The following NREP variants were observed in gnomAD, a reference collection of about 807,000 sequenced individuals.
The protein encoded by NREP is neuronal regeneration-related protein.
In NREP, 5 loss-of-function variants were observed where a neutral mutation model predicts 8.6. The observed-to-expected ratio is 0.58, with a 90% CI of 0.30 to 1.22. NREP has a LOEUF of 1.22. Among genes scored for constraint, NREP ranks in the 50% most tolerant of loss-of-function variants. The probability of loss-of-function intolerance (pLI) is 0.07; values close to 1 mark genes in which losing one functional copy is unlikely to be tolerated. For synonymous variants in NREP, 27 were observed against 28.0 expected, an observed-to-expected ratio of 0.96 and a Z score of 0.11; for missense variants, 86 against 82.5, an observed-to-expected ratio of 1.04 and a Z score of -0.17.
intron 2 of NREP, among the ~76,000 whole-genome samples, chr5:111,778,132 G>A (rs976916660): frequency 2.0e-5 from 3 of 152,228 alleles, no homozygotes; most frequent in African/African-American, 7.2e-5. Flanking sequence ...CATCAGAAGT[G>A]GGAGTGGTCT....
chr5:111,875,242 T>C (rs1296617931), intron 2 of NREP, among the ~76,000 whole-genome samples: 1 of 152,110 alleles, frequency 6.6e-6, no homozygotes, highest in East Asian at 1.9e-4. Context: ...ACTATTCAGT[T>C]TTAAAATAAT....
intron 2 of NREP, among the ~76,000 whole-genome samples, chr5:111,823,561 C>G (rs1752556796): frequency 6.6e-6 from 1 of 151,810 alleles, no homozygotes; most frequent in African/African-American, 2.4e-5. Context: ...TTACATATAC[C>G]ATAATTTCTA....
At chr5:111,744,206 T>C (rs898834202) in intron 2 of NREP, among the ~76,000 whole-genome samples, 1 of 152,174 alleles carries the variant, frequency 6.6e-6, no homozygotes, top group Non-Finnish European at 1.5e-5. Flanking sequence ...CTTCTACTGG[T>C]AGCTGCAAAC....
At chr5:111,890,203 A>G (rs1224090631) in intron 2 of NREP, among the ~76,000 whole-genome samples, 1 of 152,220 alleles carries the variant, frequency 6.6e-6, no homozygotes, top group Admixed American at 6.5e-5. Flanking sequence ...ACAGCAGGGC[A>G]GTCATTAAAT....
At chr5:111,828,162 C>G (rs1003925920) in intron 2 of NREP, among the ~76,000 whole-genome samples, 2 of 152,052 alleles carry the variant, frequency 1.3e-5, no homozygotes, top group Non-Finnish European at 2.9e-5. Flanking sequence ...TCCTGAGTAG[C>G]TGGGATTACA....
chr5:111,818,053 T>C (rs946111562), intron 2 of NREP, among the ~76,000 whole-genome samples: 3 of 152,162 alleles, frequency 2.0e-5, no homozygotes, highest in African/African-American at 4.8e-5. Flanking sequence ...TATTATGGTA[T>C]ACCCAGAATT....
chr5:111,863,956 G>C (rs1389863600), intron 2 of NREP, among the ~76,000 whole-genome samples: 1 of 152,124 alleles, frequency 6.6e-6, no homozygotes, highest in African/African-American at 2.4e-5. Context: ...TGGGCTCAGA[G>C]ACAAGCACAG....
At chr5:111,796,937 A>G (rs1218052911) in intron 2 of NREP, among the ~76,000 whole-genome samples, 2 of 152,186 alleles carry the variant, frequency 1.3e-5, no homozygotes, top group African/African-American at 4.8e-5. Context: ...TCCCTGATGT[A>G]AAATTTGATA....
chr5:111,964,370 T>TG (rs1369564317), intron 2 of NREP, among the ~76,000 whole-genome samples: 3 of 152,054 alleles, frequency 2.0e-5, no homozygotes, highest in Admixed American at 1.3e-4. Context: ...TCCACTGTTT[T>TG]GGGGGGGTTT....
chr5:111,916,349 TA>T (rs1755057225), intron 2 of NREP, among the ~76,000 whole-genome samples: 1 of 151,840 alleles, frequency 6.6e-6, no homozygotes, highest in East Asian at 1.9e-4. Context: ...CCCTCCAAGC[TA>T]CAGCATATAT....
chr5:111,752,306 C>T (rs1750410398), intron 2 of NREP, among the ~76,000 whole-genome samples: 1 of 152,186 alleles, frequency 6.6e-6, no homozygotes, highest in Non-Finnish European at 1.5e-5. Flanking sequence ...ACTGGGCTAA[C>T]CCAAATAGAC....
At chr5:111,914,918 A>G (rs6898801) in intron 2 of NREP, among the ~76,000 whole-genome samples, 80,499 of 151,958 alleles carry the variant, frequency 0.53, 22,704 homozygotes, top group Non-Finnish European at 0.64. Context: ...CATTTTTATC[A>G]AAATCTTGCT....
intron 2 of NREP, among the ~76,000 whole-genome samples, chr5:111,972,409 G>T (rs1269002281): frequency 6.6e-6 from 1 of 152,150 alleles, no homozygotes; most frequent in Non-Finnish European, 1.5e-5. Context: ...TTTCAGGATT[G>T]CAGTGGTTTT....
chr5:111,774,614 T>C (rs537628662), intron 2 of NREP, among the ~76,000 whole-genome samples: 2 of 152,258 alleles, frequency 1.3e-5, no homozygotes, highest in African/African-American at 4.8e-5. Flanking sequence ...AGGGGCAATA[T>C]AACTGGCAGT....
At chr5:111,942,718 T>C (rs1245525895) in intron 2 of NREP, among the ~76,000 whole-genome samples, 2 of 151,866 alleles carry the variant, frequency 1.3e-5, no homozygotes, top group African/African-American at 2.4e-5. Flanking sequence ...TTGGTCAAAA[T>C]ATTTTACTGT....
chr5:111,833,438 CT>C (rs144705190), intron 2 of NREP, among the ~76,000 whole-genome samples: 1 of 152,204 alleles, frequency 6.6e-6, no homozygotes, highest in Non-Finnish European at 1.5e-5. Flanking sequence ...TCATTCTAGA[CT>C]TTTCTCCTTG....
intron 2 of NREP, among the ~76,000 whole-genome samples, chr5:111,797,393 T>G (rs1284768386): frequency 1.4e-4 from 22 of 152,192 alleles, no homozygotes; most frequent in Non-Finnish European, 5.9e-5. Flanking sequence ...TATTAGTACA[T>G]TTAGGTTTAT....
rs529253189 is a variant in NREP, at chr5:111,800,986, GA to G, written c.136-65480del. 8.1e-3 allele frequency among the ~76,000 whole-genome samples: 1,211 copies of G among 149,186 alleles called. 6 individuals are homozygous for G. Among genetic ancestry groups the G allele is most frequent in the Non-Finnish European group, 0.013 (865 of 66,964 alleles). ...GTTAGCTAATTGGCTTTAGCCAAAG[GA>G]AAAAAAAAACTTCTATATATTTATG... On this transcript the variant is annotated intron_variant, in intron 2 of 3. Coordinates refer to the NREP transcript ENST00000395634.
At chr5:111,779,784 T>C (rs190776289) in intron 2 of NREP, among the ~76,000 whole-genome samples, 64 of 152,336 alleles carry the variant, frequency 4.2e-4, no homozygotes, top group Non-Finnish European at 4.6e-4. Flanking sequence ...CAGTAGGCTT[T>C]GGAAAGGCAA....
Sources: allele counts gnomAD v4.1 joint callset (sites outside exome capture counted in the v4.1 genomes callset), GRCh38; gene constraint gnomAD v4.1.1; transcripts MANE v1.5; gene names NCBI Gene and HGNC (gene_info 2026-07-23, HGNC 2026-07-21).